FGGY: variants seen among roughly 807,000 people sequenced by gnomAD.
The protein encoded by FGGY is FGGY carbohydrate kinase domain containing, also known as FGGY carbohydrate kinase domain-containing protein.
FGGY carries 72 observed loss-of-function variants against 71.3 expected under a neutral mutation model. The observed-to-expected ratio is 1.01, with a 90% CI of 0.84 to 1.23. The LOEUF (loss-of-function observed/expected upper bound fraction) is 1.23, where lower values mean the gene tolerates loss of function less well. FGGY is among the 50% of genes most tolerant of loss of function. The pLI is 0.00. For synonymous variants in FGGY, 251 were observed against 250.3 expected (o/e 1.00, Z -0.02); for missense variants, 668 against 682.3 (o/e 0.98, Z 0.23).
chr1:59,509,361 C>G lies in FGGY; in HGVS notation c.671-2950C>G, dbSNP rs531003402. On this transcript the variant is annotated intron_variant, in intron 6 of 15. Coordinates refer to ENST00000303721, the MANE Select transcript of FGGY (RefSeq NM_018291.5). ...TCACACTATTTTCCCTAACCCCAGTCTATCCTCTGCTATAATACTGCCAGA... is the reference window on the plus strand; with the variant it reads ...TCACACTATTTTCCCTAACCCCAGTGTATCCTCTGCTATAATACTGCCAGA... Among the ~76,000 whole-genome samples, 4 of 152,296 alleles carry G rather than the reference C, an allele frequency of 2.6e-5. No individual in the cohort carries two copies. In the South Asian group the frequency reaches 6.2e-4, roughly 24 times the overall value.
chr1:59,301,959 T>C lies in FGGY; in HGVS notation c.-15+4809T>C, dbSNP rs201635902. Among the ~76,000 whole-genome samples, 570 of 151,582 alleles carry C rather than the reference T, an allele frequency of 3.8e-3. 3 individuals are homozygous for C. Among genetic ancestry groups the C allele is most frequent in the South Asian group, 0.035 (166 of 4,784 alleles). On this transcript the variant is annotated intron_variant, in intron 1 of 15. Coordinates refer to ENST00000303721, the MANE Select transcript of FGGY (RefSeq NM_018291.5). Reference sequence around the variant, plus strand: ...TCCATGTTGGTCAGGCTGGTCTTGATCTCCTGACCTTAGGTGATCTGCCCT... The same window carrying C: ...TCCATGTTGGTCAGGCTGGTCTTGACCTCCTGACCTTAGGTGATCTGCCCT...
intron 4 of FGGY, among the ~76,000 whole-genome samples, chr1:59,371,160 C>CCATCTCA: frequency 6.6e-6 from 1 of 152,194 alleles, no homozygotes; most frequent in Non-Finnish European, 1.5e-5. Context: ...TTCAGGAAAC[C>CCATCTCA]CATCTCACAT....
intron 7 of FGGY, among the ~76,000 whole-genome samples, chr1:59,540,134 A>T (rs1256243429): frequency 6.6e-6 from 1 of 152,240 alleles, no homozygotes; most frequent in Non-Finnish European, 1.5e-5. Context: ...TGATGGGGAT[A>T]TCAAACACCT....
chr1:59,475,337 T>C (rs79168922), intron 6 of FGGY, among the ~76,000 whole-genome samples: 1 of 152,200 alleles, frequency 6.6e-6, no homozygotes, highest in South Asian at 2.1e-4. Flanking sequence ...TAGCTTTTTT[T>C]CCATGAATAG....
In FGGY at chr1:59,423,394, G is replaced by A. The variant is rs1380481039; in HGVS notation, c.555-33567G>A. On this transcript the variant is annotated intron_variant, in intron 5 of 15. Coordinates refer to ENST00000303721, the MANE Select transcript of FGGY (RefSeq NM_018291.5). The stretch of plus-strand genomic sequence containing the variant: ...TTTGTGCCAACGTGGACACCATTCA[G>A]CATGTCAGATTTCTCTGATACCGTG... Among the ~76,000 whole-genome samples, 3 of 152,092 alleles carry A rather than the reference G, an allele frequency of 2.0e-5. No homozygotes were observed. The East Asian group carries it at 5.8e-4, about 29-fold the overall frequency.
chr1:59,567,901 T>G (rs909070981), intron 8 of FGGY, among the ~76,000 whole-genome samples: 1 of 150,758 alleles, frequency 6.6e-6, no homozygotes, highest in Non-Finnish European at 1.5e-5. Context: ...AGATCCAGCA[T>G]TATTGCCCCT....
At chr1:59,361,539 A>G (rs758137947) in intron 4 of FGGY, among the ~76,000 whole-genome samples, 1 of 152,196 alleles carries the variant, frequency 6.6e-6, no homozygotes, top group African/African-American at 2.4e-5. Flanking sequence ...AATGCAGTAT[A>G]GTGAGAGCTT....
intron 11 of FGGY, among the ~76,000 whole-genome samples, chr1:59,653,422 C>T (rs536490821): frequency 6.6e-6 from 1 of 152,210 alleles, no homozygotes; most frequent in Admixed American, 6.5e-5. Flanking sequence ...GGGCGTAGGA[C>T]CCTCCGAGCC....
At chr1:59,571,658 A>G (rs1482711460) in intron 8 of FGGY, among the ~76,000 whole-genome samples, 1 of 152,188 alleles carries the variant, frequency 6.6e-6, no homozygotes, top group African/African-American at 2.4e-5. Context: ...AAGAGTATTC[A>G]TAGCATTATT....
chr1:59,358,502 C>A (rs182540309), intron 4 of FGGY, among the ~76,000 whole-genome samples: 1 of 152,166 alleles, frequency 6.6e-6, no homozygotes, highest in African/African-American at 2.4e-5. Context: ...GCCACCCCCC[C>A]GCCATGTTTT....
chr1:59,414,673 G>C (rs1483508693), intron 5 of FGGY, among the ~76,000 whole-genome samples: 1 of 151,822 alleles, frequency 6.6e-6, no homozygotes, highest in African/African-American at 2.4e-5. Flanking sequence ...CTAAAGTGGG[G>C]CTGGTACTCT....
intron 2 of FGGY, among the ~76,000 whole-genome samples, chr1:59,338,344 A>C (rs77321329): frequency 0.014 from 2,097 of 152,208 alleles, 55 homozygotes; most frequent in African/African-American, 0.048. Context: ...AATACTGGCT[A>C]TGTAATATTT....
At chr1:59,372,432 A>T (rs1425315354) in intron 4 of FGGY, among the ~76,000 whole-genome samples, 1 of 152,188 alleles carries the variant, frequency 6.6e-6, no homozygotes, top group Non-Finnish European at 1.5e-5. Context: ...TTACCAACCA[A>T]AAAGAGTCCA....
intron 9 of FGGY, among the ~76,000 whole-genome samples, chr1:59,611,551 A>C (rs2096679389): frequency 6.6e-6 from 1 of 152,348 alleles, no homozygotes; most frequent in South Asian, 2.1e-4. Flanking sequence ...GATGGGGAAA[A>C]AACAGAGCAG....
At chr1:59,432,710 G>A (rs1327450650) in intron 5 of FGGY, among the ~76,000 whole-genome samples, 1 of 152,206 alleles carries the variant, frequency 6.6e-6, no homozygotes, top group Non-Finnish European at 1.5e-5. Flanking sequence ...GGCAGCAGCA[G>A]CAATTCTAGT....
intron 14 of FGGY, chr1:59,697,614 T>C (rs1180439447): frequency 8.2e-7 from 1 of 1,220,492 alleles, no homozygotes; most frequent in Admixed American, 2.3e-5. Flanking sequence ...GTGAAGACTT[T>C]GGCGTGCTTA....
intron 8 of FGGY, among the ~76,000 whole-genome samples, chr1:59,562,188 C>T (rs1201768885): frequency 6.6e-6 from 1 of 151,950 alleles, no homozygotes; most frequent in African/African-American, 2.4e-5. Flanking sequence ...ATGTTCATAC[C>T]AACAAATAAA....
At chr1:59,753,682 T>A (rs74809421) in intron 14 of FGGY, among the ~76,000 whole-genome samples, 1,912 of 151,744 alleles carry the variant, frequency 0.013, 51 homozygotes, top group African/African-American at 0.044. Context: ...ATATAACTTG[T>A]TTTTATATGC....
At chr1:59,615,289 T>C (rs2096739375) in intron 9 of FGGY, among the ~76,000 whole-genome samples, 1 of 152,170 alleles carries the variant, frequency 6.6e-6, no homozygotes, top group Non-Finnish European at 1.5e-5. Context: ...ATGGTACTGG[T>C]ATCATAACAG....
Sources: gnomAD v4.1 joint callset for allele counts (sites outside exome capture counted in the v4.1 genomes callset) on GRCh38, gnomAD v4.1.1 for gene constraint, MANE v1.5 for transcripts, NCBI Gene and HGNC (gene_info 2026-07-23, HGNC 2026-07-21) for gene names.